Variants in CSNK2A2 observed in about 807,000 individuals in gnomAD.
CSNK2A2 encodes casein kinase II subunit alpha'.
Under a neutral mutation model 54.0 loss-of-function variants are expected in CSNK2A2, and 8 were observed. The ratio of observed to expected loss-of-function variants is 0.15; its 90% CI spans 0.09 to 0.27. The LOEUF is 0.27. Among genes scored for constraint, CSNK2A2 ranks in the 10% least tolerant of loss-of-function variants. The pLI is 1.00. For synonymous variants in CSNK2A2, 141 were observed against 153.9 expected (o/e 0.92, Z 0.62); for missense variants, 242 against 439.4 (o/e 0.55, Z 4.02).
chr16:58,167,066 G>A lies in CSNK2A2; in HGVS notation c.726+141C>T. The A allele has an allele frequency of 8.7e-6, 5 of 577,664 alleles. No individual in the cohort carries two copies. The South Asian group carries it at 1.2e-4, about 14-fold the overall frequency. 35.8% of individuals were successfully genotyped at this position (577,664 alleles called of 1,614,324 possible). A position where few individuals can be genotyped will look rare whatever the true frequency, so the allele number is the denominator to read the frequency against. ...GCGGACCTGGTAAACACAAAATTCT[G>A]TGCGATCTTTATCTTGAAGAAAAGC... On this transcript the variant is annotated intron_variant, in intron 8 of 11. Transcript: ENST00000262506.
chr16:58,170,893 A>G (rs757462163), intron 5 of CSNK2A2, among the ~76,000 whole-genome samples: 7 of 152,116 alleles, frequency 4.6e-5, no homozygotes, highest in Non-Finnish European at 1.0e-4. Flanking sequence ...CTATCTTCAT[A>G]AACTTCAAAT....
At chr16:58,165,494 G>A in intron 10 of CSNK2A2, 66 bp downstream of exon 10, 6 of 1,466,220 alleles carry the variant, frequency 4.1e-6, no homozygotes, top group Non-Finnish European at 5.5e-6. Context: ...TGGTCTCAAA[G>A]ACAAAGAGTG....
At chr16:58,194,560 C>G (rs1597127261) in intron 2 of CSNK2A2, among the ~76,000 whole-genome samples, 1 of 152,298 alleles carries the variant, frequency 6.6e-6, no homozygotes, top group East Asian at 1.9e-4. Context: ...AGAAACATTT[C>G]ATTAACTAGG....
In CSNK2A2 at chr16:58,166,572, T is replaced by C; in HGVS notation, c.827+12A>G. ...GGTAAGGTAAAGCACTCTCTCTCTC[T>C]CTCTTACTTACTGTCCCAGGATATC... On this transcript the variant is annotated intron_variant, in intron 9 of 11. Coordinates refer to ENST00000262506, the MANE Select transcript of CSNK2A2 (RefSeq NM_001896.4). The C allele has an allele frequency of 6.4e-7, 1 of 1,571,514 alleles. No individual in the cohort carries two copies. The highest frequency in any genetic ancestry group is 1.7e-4 in the Middle Eastern group (1 of 5,976).
At chr16:58,161,550 G>GACACACAC (rs1210167503) in intron 11 of CSNK2A2, 12 of 128,190 alleles carry the variant, frequency 9.4e-5, no homozygotes, top group Middle Eastern at 3.8e-3. Flanking sequence ...CACACACACA[G>GACACACAC]ACACACACAC....
At chr16:58,183,108 C>T (rs934567308) in intron 4 of CSNK2A2, among the ~76,000 whole-genome samples, 3 of 151,904 alleles carry the variant, frequency 2.0e-5, no homozygotes, top group Admixed American at 1.3e-4. Flanking sequence ...ACCTATAATC[C>T]CAGCCCTCTG....
rs35006310 is a variant in CSNK2A2, at chr16:58,195,179, T to TA, written c.216+1553dup. Among the ~76,000 whole-genome samples, 155 of 144,606 alleles carry TA rather than the reference T, an allele frequency of 1.1e-3. 1 individual carries two copies. The highest frequency in any genetic ancestry group is 1.5e-3 in the South Asian group (7 of 4,606). 94.9% of individuals were successfully genotyped at this position (144,606 alleles called of 152,430 possible). On this transcript the variant is annotated intron_variant, in intron 2 of 11. Transcript: ENST00000262506. ...TTTCTAAGGTAATTTTCCTGTGACTTAAAAAAAAAAAAAACCACCTTGTGA... is the reference window on the plus strand; with the variant it reads ...TTTCTAAGGTAATTTTCCTGTGACTTAAAAAAAAAAAAAAACCACCTTGTGA...
intron 11 of CSNK2A2, chr16:58,163,107 T>C (rs1961435726): frequency 1.3e-5 from 2 of 151,756 alleles, no homozygotes. Flanking sequence ...ATGGGATGTT[T>C]TCCTCCCTCG....
chr16:58,166,343 T>G (rs1961562754), intron 9 of CSNK2A2, among the ~76,000 whole-genome samples: 1 of 152,254 alleles, frequency 6.6e-6, no homozygotes, highest in African/African-American at 2.4e-5. Flanking sequence ...AAAACTTTTT[T>G]CTATAACATT....
At chr16:58,176,829 T>C (rs143478987) in intron 4 of CSNK2A2, among the ~76,000 whole-genome samples, 9 of 152,294 alleles carry the variant, frequency 5.9e-5, no homozygotes, top group African/African-American at 2.2e-4. Context: ...GAGTTAACAT[T>C]CCTCACACAG....
intron 2 of CSNK2A2, among the ~76,000 whole-genome samples, chr16:58,195,040 T>C (rs1166419681): frequency 2.6e-5 from 4 of 152,208 alleles, no homozygotes; most frequent in Non-Finnish European, 5.9e-5. Flanking sequence ...TTCTTCTGAA[T>C]ATACAGCAGT....
chr16:58,176,441 A>C (rs1049292787), intron 4 of CSNK2A2, among the ~76,000 whole-genome samples: 1 of 152,224 alleles, frequency 6.6e-6, no homozygotes, highest in African/African-American at 2.4e-5. Context: ...AAGATATTAC[A>C]AAGTCCCAAG....
chr16:58,189,231 C>G (rs1962267352), intron 2 of CSNK2A2, among the ~76,000 whole-genome samples: 3 of 152,174 alleles, frequency 2.0e-5, no homozygotes, highest in African/African-American at 7.2e-5. Flanking sequence ...GCTGGGATTA[C>G]AGGCATGAGC....
rs531698065 is a variant in CSNK2A2 at position 58,196,967 on chromosome 16, A to C, written c.105-123T>G. 5 of 737,970 alleles carry C rather than the reference A, an allele frequency of 6.8e-6. No individual in the cohort carries two copies. In the African/African-American group the frequency reaches 8.6e-5, roughly 13 times the overall value. The allele number at this position is 737,970 out of a possible 1,614,324, so 45.7% of individuals were successfully genotyped here. The stretch of plus-strand genomic sequence containing the variant: ...CTTGGAAGTGTCTATACATCACGTC[A>C]CAACTCATTCCCTAAATGAAAGCCA... On this transcript the variant is annotated intron_variant, in intron 1 of 11. Coordinates refer to ENST00000262506, the MANE Select transcript of CSNK2A2 (RefSeq NM_001896.4).
Position 58,168,815 on chromosome 16 carries a change from C to A in CSNK2A2, c.430-122G>T. On this transcript the variant is annotated intron_variant, in intron 5 of 11. Coordinates refer to ENST00000262506, the MANE Select transcript of CSNK2A2 (RefSeq NM_001896.4). ...CAGTCCCCCAACGGGCAGCTTGCTG[C>A]CTGTAATGAAAGAGAAAAAAAGCGT... The A allele has an allele frequency of 2.8e-6, 2 of 718,234 alleles. 1 individual carries two copies. Among genetic ancestry groups the A allele is most frequent in the South Asian group, 3.8e-5 (2 of 52,640 alleles). The allele number at this position is 718,234 out of a possible 1,614,324, so 44.5% of individuals were successfully genotyped here. A position where few individuals can be genotyped will look rare whatever the true frequency, so the allele number is the denominator to read the frequency against.
chr16:58,176,785 T>A lies in CSNK2A2; in HGVS notation c.370-2275A>T, dbSNP rs1188627865. Among the ~76,000 whole-genome samples the A allele has an allele frequency of 2.0e-5, 3 of 152,216 alleles. No homozygotes were observed. In the East Asian group the frequency reaches 5.8e-4, roughly 29 times the overall value. ...TGCCACTGACTCTCCAATGTGGCTG[T>A]GCACAGGACACCATTAAGAACACAA... On this transcript the variant is annotated intron_variant, in intron 4 of 11. Transcript: ENST00000262506.
At chr16:58,175,726 T>C (rs1054412364) in intron 4 of CSNK2A2, among the ~76,000 whole-genome samples, 1 of 152,196 alleles carries the variant, frequency 6.6e-6, no homozygotes, top group African/African-American at 2.4e-5. Context: ...ATTTAACATT[T>C]TCTAAGAATA....
intron 2 of CSNK2A2, among the ~76,000 whole-genome samples, chr16:58,187,889 T>C (rs1962230475): frequency 6.6e-6 from 1 of 152,256 alleles, no homozygotes; most frequent in Non-Finnish European, 1.5e-5. Flanking sequence ...ACAGTGCTTT[T>C]GTTTCCCAAG....
At position 58,197,722 on chromosome 16, in the gene CSNK2A2, G is replaced by T. The variant is rs1962508138; in HGVS notation, c.15C>A (p.Ala5=). Residue 5 remains alanine (A), a synonymous_variant, in exon 1 of 12, where the codon GCC becomes GCA. Coordinates refer to ENST00000262506, the MANE Select transcript of CSNK2A2 (RefSeq NM_001896.4). The surrounding 1 kb of genome is among the most constrained non-coding windows in gnomAD (Gnocchi z 4.0). ...CGTAGACCCGGGCCCTGCTGCCCGC[G>T]GCCGGGCCGGGCATGGCGGGCGGGA... MPGP[A]AGSRARVYAE... 1 of 1,467,626 alleles carries T rather than the reference G, an allele frequency of 6.8e-7. No individual in the cohort carries two copies. Among genetic ancestry groups the T allele is most frequent in the African/African-American group, 1.5e-5 (1 of 68,478 alleles). The allele number at this position is 1,467,626 out of a possible 1,614,324, so 90.9% of individuals were successfully genotyped here.
Sources: allele counts gnomAD v4.1 joint callset (sites outside exome capture counted in the v4.1 genomes callset), GRCh38; gene constraint gnomAD v4.1.1; non-coding constraint Gnocchi (gnomAD v3.1); transcripts MANE v1.5; gene names NCBI Gene and HGNC (gene_info 2026-07-23, HGNC 2026-07-21).